Variants in SLC24A2 observed in about 807,000 individuals in gnomAD.
The protein encoded by SLC24A2 is solute carrier family 24 member 2, also known as sodium/potassium/calcium exchanger 2.
SLC24A2 carries 36 observed loss-of-function variants against 62.0 expected under a neutral mutation model. The ratio of observed to expected loss-of-function variants is 0.58; its 90% CI spans 0.44 to 0.77. The LOEUF is 0.77. SLC24A2 is among the 30% of genes least tolerant of loss of function. The pLI, the probability that SLC24A2 is intolerant of heterozygous loss-of-function variation, is 0.00. For missense variants in SLC24A2, 846 were observed against 817.9 expected (o/e 1.03, Z -0.42); for synonymous variants, 358 against 294.0 (o/e 1.22, Z -2.23).
At chr9:19,687,724 A>C (rs1272610693) in intron 2 of SLC24A2, among the ~76,000 whole-genome samples, 1 of 152,046 alleles carries the variant, frequency 6.6e-6, no homozygotes, top group Non-Finnish European at 1.5e-5. Flanking sequence ...CTTGAGTCCA[A>C]ATCAGATTCC....
chr9:19,832,278 T>A, the SLC24A2 span, among the ~76,000 whole-genome samples: 1 of 152,216 alleles, frequency 6.6e-6, no homozygotes, highest in African/African-American at 2.4e-5. Context: ...TCAAAGTAAT[T>A]TGGCTGATTT....
chr9:19,549,185 A>G (rs991588260), intron 8 of SLC24A2, among the ~76,000 whole-genome samples: 4 of 152,216 alleles, frequency 2.6e-5, no homozygotes, highest in Non-Finnish European at 5.9e-5. Flanking sequence ...GATTAAAGTA[A>G]TGATAGTCAC....
the SLC24A2 span, among the ~76,000 whole-genome samples, chr9:19,878,509 T>C: frequency 6.6e-6 from 1 of 152,230 alleles, no homozygotes; most frequent in African/African-American, 2.4e-5. Flanking sequence ...TTTAGATTCG[T>C]GTCCCCACCC....
the SLC24A2 span, among the ~76,000 whole-genome samples, chr9:20,213,584 A>C: frequency 2.2e-4 from 34 of 152,306 alleles, no homozygotes; most frequent in African/African-American, 7.5e-4. Flanking sequence ...TAATCTGAAA[A>C]AGAAAATAAA....
intron 2 of SLC24A2, among the ~76,000 whole-genome samples, chr9:19,695,168 G>A (rs981442201): frequency 6.6e-6 from 1 of 152,110 alleles, no homozygotes; most frequent in African/African-American, 2.4e-5. Flanking sequence ...GTAGAGGCTA[G>A]GGAAGCTGCT....
At chr9:19,732,457 AT>A (rs947767086) in intron 2 of SLC24A2, among the ~76,000 whole-genome samples, 1 of 152,086 alleles carries the variant, frequency 6.6e-6, no homozygotes, top group South Asian at 2.1e-4. Context: ...AGCCTTTCTT[AT>A]TTTTTTAAAT....
chr9:20,113,507 A>C, the SLC24A2 span, among the ~76,000 whole-genome samples: 8 of 152,334 alleles, frequency 5.3e-5, no homozygotes, highest in African/African-American at 1.7e-4. Flanking sequence ...ATATCTTGAC[A>C]TGCTGAAACT....
intron 8 of SLC24A2, among the ~76,000 whole-genome samples, chr9:19,535,993 T>G (rs922930546): frequency 6.6e-6 from 1 of 151,520 alleles, no homozygotes; most frequent in Non-Finnish European, 1.5e-5. Flanking sequence ...TTGTTCCATT[T>G]ATTTGTGTCC....
At chr9:19,642,960 G>A (rs958524864) in intron 2 of SLC24A2, among the ~76,000 whole-genome samples, 27 of 148,612 alleles carry the variant, frequency 1.8e-4, no homozygotes, top group African/African-American at 6.2e-4. Flanking sequence ...GATTACAGGC[G>A]TGAGCCACCG....
chr9:20,245,161 G>T, the SLC24A2 span, among the ~76,000 whole-genome samples: 3 of 152,206 alleles, frequency 2.0e-5, no homozygotes, highest in Non-Finnish European at 4.4e-5. Context: ...CATGGTTCCT[G>T]CCCTCAAGGA....
At chr9:20,258,232 C>A in the SLC24A2 span, among the ~76,000 whole-genome samples, 1 of 152,170 alleles carries the variant, frequency 6.6e-6, no homozygotes, top group Admixed American at 6.5e-5. Flanking sequence ...GTTAACTTGA[C>A]CAGATTAAGG....
At chr9:20,201,360 T>A in the SLC24A2 span, among the ~76,000 whole-genome samples, 1 of 152,214 alleles carries the variant, frequency 6.6e-6, no homozygotes, top group Middle Eastern at 3.2e-3. Flanking sequence ...CATCTCACGG[T>A]GCCAGATTTT....
chr9:19,964,074 A>G, the SLC24A2 span, among the ~76,000 whole-genome samples: 3 of 152,138 alleles, frequency 2.0e-5, no homozygotes, highest in African/African-American at 4.8e-5. Context: ...TTGTAGGGAC[A>G]TGGATGAAAT....
intron 2 of SLC24A2, among the ~76,000 whole-genome samples, chr9:19,783,590 G>C (rs1335334283): frequency 6.6e-6 from 1 of 152,090 alleles, no homozygotes. Context: ...ATCACATTCA[G>C]AGATGTGATT....
At chr9:19,617,608 C>T (rs1453163106) in intron 4 of SLC24A2, among the ~76,000 whole-genome samples, 1 of 152,142 alleles carries the variant, frequency 6.6e-6, no homozygotes, top group East Asian at 1.9e-4. Context: ...TTGCATATCT[C>T]CTGATCTACC....
chr9:19,985,229 C>T, the SLC24A2 span, among the ~76,000 whole-genome samples: 2 of 152,060 alleles, frequency 1.3e-5, no homozygotes, highest in Non-Finnish European at 2.9e-5. Flanking sequence ...TCAGCAATTC[C>T]ACTCTTGGCA....
the SLC24A2 span, among the ~76,000 whole-genome samples, chr9:19,863,831 A>G: frequency 1.3e-5 from 2 of 151,942 alleles, no homozygotes; most frequent in South Asian, 4.1e-4. Context: ...AATAAAAGAA[A>G]TAATAAAGCT....
At chr9:19,850,270 C>T in the SLC24A2 span, among the ~76,000 whole-genome samples, 1 of 151,970 alleles carries the variant, frequency 6.6e-6, no homozygotes, top group Non-Finnish European at 1.5e-5. Flanking sequence ...ATAGGTTATA[C>T]TGCAATAAAT....
At chr9:20,201,135 G>A in the SLC24A2 span, among the ~76,000 whole-genome samples, 1 of 152,190 alleles carries the variant, frequency 6.6e-6, no homozygotes, top group South Asian at 2.1e-4. Flanking sequence ...TCTCTTGGCT[G>A]CATGCTCCAG....
Sources: gnomAD v4.1 joint callset for allele counts (sites outside exome capture counted in the v4.1 genomes callset) on GRCh38, gnomAD v4.1.1 for gene constraint, MANE v1.5 for transcripts, NCBI Gene and HGNC (gene_info 2026-07-23, HGNC 2026-07-21) for gene names.